Variants in COL24A1 observed in about 807,000 individuals in gnomAD.
COL24A1 encodes collagen alpha-1(XXIV) chain.
In COL24A1, 224 loss-of-function variants were observed where a neutral mutation model predicts 253.9. That is an observed-to-expected ratio of 0.88 (90% CI 0.79 to 0.99). The LOEUF is 0.99. Ranked by LOEUF, COL24A1 falls within the 50% of genes least tolerant of loss-of-function variation. The probability of loss-of-function intolerance (pLI) is 0.00; values close to 1 mark genes in which losing one functional copy is unlikely to be tolerated. For missense variants in COL24A1, 2,131 were observed against 2,068.5 expected (o/e 1.03, Z -0.59); for synonymous variants, 685 against 673.7 (o/e 1.02, Z -0.26).
intron 3 of COL24A1, among the ~76,000 whole-genome samples, chr1:86,118,942 G>A (rs1173374313): frequency 1.3e-5 from 2 of 152,126 alleles, no homozygotes; most frequent in Non-Finnish European, 2.9e-5. Context: ...AGTTGCAGAG[G>A]TAAGCAGGGG....
intron 43 of COL24A1, among the ~76,000 whole-genome samples, chr1:85,833,165 T>C (rs1244899341): frequency 6.6e-6 from 1 of 152,044 alleles, no homozygotes; most frequent in Non-Finnish European, 1.5e-5. Context: ...AAAGGCCTTT[T>C]CTCAGAGTGA....
intron 51 of COL24A1, among the ~76,000 whole-genome samples, chr1:85,782,960 T>G (rs921318535): frequency 6.6e-6 from 1 of 152,244 alleles, no homozygotes; most frequent in Admixed American, 6.5e-5. Flanking sequence ...CTATTTATAT[T>G]CTCTACAATT....
chr1:85,832,334 G>C (rs1675391944), intron 43 of COL24A1, among the ~76,000 whole-genome samples: 1 of 152,054 alleles, frequency 6.6e-6, no homozygotes, highest in South Asian at 2.1e-4. Context: ...CTGTAGCCTT[G>C]TAGTATAGTT....
chr1:85,982,682 T>C (rs542584269), intron 20 of COL24A1, among the ~76,000 whole-genome samples: 3 of 152,180 alleles, frequency 2.0e-5, no homozygotes, highest in East Asian at 3.9e-4. Flanking sequence ...ACTTATCATA[T>C]GTTGCCCAGT....
intron 26 of COL24A1, among the ~76,000 whole-genome samples, chr1:85,908,868 T>C (rs1230459940): frequency 1.3e-5 from 2 of 151,762 alleles, no homozygotes; most frequent in African/African-American, 4.8e-5. Context: ...ATAGAAACTA[T>C]ATATCCATTT....
chr1:85,863,514 C>T (rs1679407286), intron 37 of COL24A1, among the ~76,000 whole-genome samples: 1 of 152,070 alleles, frequency 6.6e-6, no homozygotes, highest in African/African-American at 2.4e-5. Context: ...GTCTAAAACA[C>T]AAAAAGCAAT....
chr1:85,836,198 G>A (rs1330327250), intron 43 of COL24A1, among the ~76,000 whole-genome samples: 1 of 152,062 alleles, frequency 6.6e-6, no homozygotes, highest in Non-Finnish European at 1.5e-5. Context: ...GAAGGCTCCC[G>A]TGTTACGTAT....
chr1:85,934,686 T>A (rs1571282969), intron 24 of COL24A1, among the ~76,000 whole-genome samples: 1 of 152,184 alleles, frequency 6.6e-6, no homozygotes, highest in East Asian at 1.9e-4. Flanking sequence ...CTCTGATGGC[T>A]GGCTGCCTGT....
intron 47 of COL24A1, among the ~76,000 whole-genome samples, chr1:85,789,333 A>C (rs530841707): frequency 3.3e-5 from 5 of 152,106 alleles, no homozygotes; most frequent in African/African-American, 1.2e-4. Flanking sequence ...TGTGAATGGG[A>C]GTTCACTCAT....
chr1:85,814,484 T>C (rs1420989749), intron 47 of COL24A1, among the ~76,000 whole-genome samples: 2 of 152,212 alleles, frequency 1.3e-5, no homozygotes, highest in Non-Finnish European at 2.9e-5. Flanking sequence ...AAAACGTCTA[T>C]TTTCTTGCTA....
At chr1:86,109,349 A>T (rs1354833767) in intron 5 of COL24A1, among the ~76,000 whole-genome samples, 1 of 149,838 alleles carries the variant, frequency 6.7e-6, no homozygotes, top group Non-Finnish European at 1.5e-5. Flanking sequence ...GATTTGAATT[A>T]TCCTTGTTAT....
intron 43 of COL24A1, among the ~76,000 whole-genome samples, chr1:85,830,655 G>T (rs925486960): frequency 1.3e-5 from 2 of 152,118 alleles, no homozygotes; most frequent in Non-Finnish European, 1.5e-5. Context: ...TCGGAAAAGC[G>T]CAGTATTCGG....
At chr1:85,986,890 T>C (rs1693764680) in intron 20 of COL24A1, among the ~76,000 whole-genome samples, 2 of 151,910 alleles carry the variant, frequency 1.3e-5, no homozygotes, top group South Asian at 4.1e-4. Context: ...TGTGAATTCA[T>C]AATGCTTTAT....
chr1:85,762,562 T>TTA (rs1666947454), intron 53 of COL24A1, among the ~76,000 whole-genome samples: 1 of 152,188 alleles, frequency 6.6e-6, no homozygotes, highest in Non-Finnish European at 1.5e-5. Context: ...TACTAGTTAA[T>TTA]ACTAGTTAAT....
At chr1:86,017,801 T>C (rs1464920375) in intron 18 of COL24A1, among the ~76,000 whole-genome samples, 1 of 152,254 alleles carries the variant, frequency 6.6e-6, no homozygotes. Context: ...TATGAAGTAC[T>C]CATTAAATGT....
chr1:85,740,838 G>T (rs1323740617), intron 57 of COL24A1, among the ~76,000 whole-genome samples: 1 of 149,276 alleles, frequency 6.7e-6, no homozygotes. Context: ...GGCCGGGCAC[G>T]GTGGCTCACG....
At chr1:85,825,246 C>T (rs940202465) in intron 43 of COL24A1, among the ~76,000 whole-genome samples, 2 of 152,058 alleles carry the variant, frequency 1.3e-5, no homozygotes, top group African/African-American at 4.8e-5. Flanking sequence ...CTACAAAGGA[C>T]ATGAACTCAT....
rs752012989 is a variant in COL24A1 at position 86,089,140 on chromosome 1, A to C, written c.1707+34T>G. On this transcript the variant is annotated intron_variant, in intron 7 of 59. Transcript: ENST00000370571. ...AAAAGACAAAAAAAAGAAAAAAAGA[A>C]GAAAAAAAGAAAAGAAGTAAAATTC... 5 of 1,532,776 alleles carry C rather than the reference A, an allele frequency of 3.3e-6. No individual in the cohort carries two copies. The East Asian group carries it at 1.1e-4, about 35-fold the overall frequency. 94.9% of individuals were successfully genotyped at this position (1,532,776 alleles called of 1,614,324 possible).
chr1:86,009,715 T>A (rs1420173627), intron 19 of COL24A1, among the ~76,000 whole-genome samples: 1 of 152,164 alleles, frequency 6.6e-6, no homozygotes, highest in African/African-American at 2.4e-5. Flanking sequence ...CCTAGGGCAT[T>A]ACTGTACACT....
Sources: gnomAD v4.1 joint callset for allele counts (sites outside exome capture counted in the v4.1 genomes callset) on GRCh38, gnomAD v4.1.1 for gene constraint, MANE v1.5 for transcripts, NCBI Gene and HGNC (gene_info 2026-07-23, HGNC 2026-07-21) for gene names.